The following EZR variants were observed in gnomAD, a reference collection of about 807,000 sequenced individuals.
The protein encoded by EZR is cytovillin 2.
In EZR, 40 loss-of-function variants were observed where a neutral mutation model predicts 74.8. The observed-to-expected ratio is 0.53, with a 90% confidence interval of 0.42 to 0.70. EZR has a LOEUF of 0.70. Ranked by LOEUF, EZR falls within the 30% of genes least tolerant of loss-of-function variation. EZR has a pLI of 0.00. For missense variants in EZR, 678 were observed against 755.8 expected, an observed-to-expected ratio of 0.90 and a Z score of 1.21; for synonymous variants, 341 against 283.3, an observed-to-expected ratio of 1.20 and a Z score of -2.05.
chr6:158,769,453 A>G, intron 11 of EZR, 35 bp from the exon 12 acceptor site: 1 of 1,588,480 alleles, frequency 6.3e-7, no homozygotes, highest in African/African-American at 1.3e-5. Context: ...GTCAGTTCTG[A>G]TATCCTTTCA....
intron 2 of EZR, among the ~76,000 whole-genome samples, chr6:158,803,776 T>C (rs1266822527): frequency 1.3e-5 from 2 of 150,912 alleles, no homozygotes; most frequent in African/African-American, 4.9e-5. Flanking sequence ...GTAAGCCACT[T>C]CCTGCCCCTA....
intron 6 of EZR, among the ~76,000 whole-genome samples, chr6:158,784,347 G>T (rs1791509968): frequency 6.6e-6 from 1 of 152,194 alleles, no homozygotes; most frequent in Admixed American, 6.5e-5. Context: ...CTGATTGCAG[G>T]TGAACAATGC....
intron 2 of EZR, among the ~76,000 whole-genome samples, chr6:158,792,195 A>G (rs1489587963): frequency 1.3e-5 from 2 of 152,096 alleles, no homozygotes. Flanking sequence ...AAGTTCACAC[A>G]ACCCTTTTAA....
chr6:158,776,394 C>T lies in EZR; in HGVS notation c.795+14G>A. 3 of 1,597,088 alleles carry T rather than the reference C, an allele frequency of 1.9e-6. No homozygotes were observed. Among genetic ancestry groups the T allele is most frequent in the Non-Finnish European group, 2.6e-6 (3 of 1,164,518 alleles). On this transcript the variant is annotated intron_variant, in intron 8 of 13. Coordinates refer to ENST00000367075, the MANE Select transcript of EZR (RefSeq NM_001111077.2). ...AAAAACAGTAGCCCCTGAATAGAAT[C>T]CTTTGGAACTTACAGGTGCCTTCTT... is the stretch of plus-strand genomic sequence containing the variant.
chr6:158,792,143 A>G (rs971514903), intron 2 of EZR, among the ~76,000 whole-genome samples: 6 of 152,242 alleles, frequency 3.9e-5, no homozygotes, highest in East Asian at 1.9e-4. Flanking sequence ...GGAATTTAGA[A>G]TAACTTATTT....
chr6:158,817,657 C>G (rs567495028), intron 2 of EZR, among the ~76,000 whole-genome samples: 5 of 152,300 alleles, frequency 3.3e-5, no homozygotes, highest in East Asian at 1.9e-4. Flanking sequence ...CCAGTTGGAT[C>G]TGGGGCGCCT....
chr6:158,800,969 G>A (rs901427564), intron 2 of EZR, among the ~76,000 whole-genome samples: 3 of 152,092 alleles, frequency 2.0e-5, no homozygotes, highest in African/African-American at 7.2e-5. Context: ...GAACATGAGC[G>A]CAAAGGCAAA....
Position 158,769,304 on chromosome 6 carries a change from GGTGTCCCCC to G in EZR, c.1344+13_1344+21del, listed in dbSNP as rs1158924239. On this transcript the variant is annotated intron_variant, in intron 12 of 13. Coordinates refer to ENST00000367075, the MANE Select transcript of EZR (RefSeq NM_001111077.2). ...GCAACAGGTGCTGTGGCCGTGCGGAGGTGTCCCCCGTGCAGACTCACCCTGTGCTGCCAC... is the reference window on the plus strand; with the variant it reads ...GCAACAGGTGCTGTGGCCGTGCGGAGGTGCAGACTCACCCTGTGCTGCCAC... The G allele has an allele frequency of 6.2e-7, 1 of 1,603,080 alleles. No homozygotes were observed. Among genetic ancestry groups the G allele is most frequent in the Non-Finnish European group, 8.5e-7 (1 of 1,176,620 alleles).
rs781442683 is a variant in EZR at position 158,769,903 on chromosome 6, C to T, written c.1132G>A (p.Glu378Lys). The change falls in exon 11 of 14, where the codon GAG becomes AAG. Residue 378 changes from glutamate (E) to lysine (K), a missense_variant. This residue lies in a region of EZR where 342 missense variants were observed against 341.2 expected (regional missense o/e 1.00). Coordinates refer to ENST00000367075, the MANE Select transcript of EZR (RefSeq NM_001111077.2). ...QIQRALQLEE[E>K]RKRAQEEAER... Reference sequence around the variant, plus strand: ...GCCTCCTCCTGTGCCCGCTTCCTCTCCTCCTCCAGCTGCAGGGCCCTCTGA... The same window carrying T: ...GCCTCCTCCTGTGCCCGCTTCCTCTTCTCCTCCAGCTGCAGGGCCCTCTGA... 3 of 1,613,164 alleles carry T rather than the reference C, an allele frequency of 1.9e-6. No individual in the cohort carries two copies. In the East Asian group the frequency reaches 6.7e-5, roughly 36 times the overall value.
At chr6:158,794,261 T>TA (rs1777009801) in intron 2 of EZR, among the ~76,000 whole-genome samples, 1 of 152,044 alleles carries the variant, frequency 6.6e-6, no homozygotes, top group African/African-American at 2.4e-5. Flanking sequence ...GCCTGGGTGA[T>TA]ACAGCGAAGA....
At chr6:158,794,387 T>C (rs1373792321) in intron 2 of EZR, among the ~76,000 whole-genome samples, 2 of 152,200 alleles carry the variant, frequency 1.3e-5, no homozygotes, top group Non-Finnish European at 2.9e-5. Context: ...CATTTTATTA[T>C]CAGGGTGTTA....
intron 2 of EZR, among the ~76,000 whole-genome samples, chr6:158,800,901 C>T (rs531904027): frequency 4.3e-4 from 65 of 152,362 alleles, no homozygotes; most frequent in African/African-American, 1.5e-3. Flanking sequence ...ATCAAGCTTT[C>T]TGTATCTTAA....
chr6:158,767,170 G>C lies in EZR; in HGVS notation c.1596+91C>G, dbSNP rs554170340. The C allele has an allele frequency of 4.1e-4, 653 of 1,583,186 alleles. 7 individuals are homozygous for C. In the Middle Eastern group the frequency reaches 0.013, roughly 31 times the overall value. On this transcript the variant is annotated intron_variant, in intron 13 of 13. Coordinates refer to ENST00000367075, the MANE Select transcript of EZR (RefSeq NM_001111077.2). The stretch of plus-strand genomic sequence containing the variant: ...AACAGGAAGGGCAAGAGGGGTGCTG[G>C]GTGGGGCTGGCTCACATCACTGCCC...
At chr6:158,818,556 G>C (rs947669646) in intron 1 of EZR, among the ~76,000 whole-genome samples, 2 of 151,104 alleles carry the variant, frequency 1.3e-5, no homozygotes, top group African/African-American at 2.4e-5. Flanking sequence ...CGGGGGGAGG[G>C]GGCGCGGGCC....
chr6:158,802,998 CTTT>C (rs1777221142), intron 2 of EZR, among the ~76,000 whole-genome samples: 1 of 151,154 alleles, frequency 6.6e-6, no homozygotes, highest in African/African-American at 2.5e-5. Flanking sequence ...CTTTAAGGAA[CTTT>C]TTGAGTAATT....
At chr6:158,774,690 CACACACACA>C (rs1791218394) in intron 8 of EZR, among the ~76,000 whole-genome samples, 1 of 150,468 alleles carries the variant, frequency 6.6e-6, no homozygotes, top group Admixed American at 6.6e-5. Context: ...CACACACACA[CACACACACA>C]CACACACACA....
intron 7 of EZR, among the ~76,000 whole-genome samples, chr6:158,780,265 A>G (rs186665149): frequency 6.6e-6 from 1 of 152,262 alleles, no homozygotes; most frequent in African/African-American, 2.4e-5. Context: ...TACATGTCTT[A>G]AGATTTTGCA....
In EZR at chr6:158,767,064, C is replaced by G. The variant is rs753434040; in HGVS notation, c.1611G>C (p.Glu537Asp). The G allele has an allele frequency of 6.2e-7, 1 of 1,614,178 alleles. No individual in the cohort carries two copies. The change falls in exon 14 of 14, where the codon GAG becomes GAC. Residue 537 changes from glutamate to aspartate, a missense_variant. Physicochemically the swap from Glu to Asp is conservative, Grantham distance 45 (BLOSUM62 2). This residue lies in a region of EZR where 342 missense variants were observed against 341.2 expected (regional missense o/e 1.00). Transcript: ENST00000367075. ...TATTCTCATCTCGGGCCTGGGACAGCTCGCTGCTCAGCGTCTGTAACATTA... is the reference window on the plus strand; with the variant it reads ...TATTCTCATCTCGGGCCTGGGACAGGTCGCTGCTCAGCGTCTGTAACATTA... ...VQRQLLTLSS[E>D]LSQARDENKR...
rs1463713110 is a variant in EZR, at chr6:158,766,732, G to T, written c.*182C>A. The T allele has an allele frequency of 4.6e-6, 3 of 653,510 alleles. No homozygotes were observed. In the East Asian group the frequency reaches 7.7e-5, roughly 17 times the overall value. The allele number at this position is 653,510 out of a possible 1,614,324, so 40.5% of individuals were successfully genotyped here. On this transcript the variant is annotated 3_prime_UTR_variant, in exon 14 of 14. Transcript: ENST00000367075. Reference sequence around the variant, plus strand: ...AGGCCTGCTTGGCACTATTACAACTGGGGAAAACAAACCAGGGCGCCTCCC... The same window carrying T: ...AGGCCTGCTTGGCACTATTACAACTTGGGAAAACAAACCAGGGCGCCTCCC...
Sources: gnomAD v4.1 joint callset for allele counts (sites outside exome capture counted in the v4.1 genomes callset) on GRCh38, gnomAD v4.1.1 for gene constraint, gnomAD v4.1.1 regional missense constraint, MANE v1.5 for transcripts, NCBI Gene and HGNC (gene_info 2026-07-23, HGNC 2026-07-21) for gene names.